The following TSPAN18 variants were observed in gnomAD, a reference collection of about 807,000 sequenced individuals.
TSPAN18 encodes the protein tetraspanin-18.
A neutral mutation model predicts 27.3 loss-of-function variants in TSPAN18; 14 were observed. The observed-to-expected ratio is 0.51, with a 90% CI of 0.34 to 0.80. The LOEUF (loss-of-function observed/expected upper bound fraction) is 0.80. Among genes scored for constraint, TSPAN18 ranks in the 30% least tolerant of loss-of-function variants. The probability of loss-of-function intolerance (pLI) is 0.01; values close to 1 mark genes in which losing one functional copy is unlikely to be tolerated. For synonymous variants in TSPAN18, 143 were observed against 136.5 expected (o/e 1.05, Z -0.33); for missense variants, 268 against 323.9 (o/e 0.83, Z 1.32).
intron 2 of TSPAN18, among the ~76,000 whole-genome samples, chr11:44,793,225 G>A (rs1590478639): frequency 6.6e-6 from 1 of 152,214 alleles, no homozygotes; most frequent in Non-Finnish European, 1.5e-5. Flanking sequence ...ATTGTGGCAA[G>A]GGAGCTGTGC....
intron 3 of TSPAN18, among the ~76,000 whole-genome samples, chr11:44,872,340 T>C (rs371624250): frequency 6.6e-6 from 1 of 152,148 alleles, no homozygotes; most frequent in East Asian, 1.9e-4. Flanking sequence ...TGAAGTCACG[T>C]TGGGGGTTAG....
intron 4 of TSPAN18, among the ~76,000 whole-genome samples, chr11:44,906,895 C>G (rs975320621): frequency 6.6e-6 from 1 of 152,140 alleles, no homozygotes; most frequent in Non-Finnish European, 1.5e-5. Context: ...ATGTAGCCAC[C>G]GGATATAATC....
intron 2 of TSPAN18, among the ~76,000 whole-genome samples, chr11:44,779,893 A>G (rs1216111902): frequency 6.6e-6 from 1 of 151,592 alleles, no homozygotes; most frequent in Non-Finnish European, 1.5e-5. Context: ...ATACTTATGC[A>G]CTCATCTGCC....
At chr11:44,915,108 G>A (rs917704581) in intron 5 of TSPAN18, among the ~76,000 whole-genome samples, 7 of 152,178 alleles carry the variant, frequency 4.6e-5, no homozygotes, top group South Asian at 2.1e-4. Flanking sequence ...TGGTGGGCAC[G>A]CCAGCTCCAG....
chr11:44,881,674 A>C (rs537431249), intron 3 of TSPAN18, among the ~76,000 whole-genome samples: 1 of 152,296 alleles, frequency 6.6e-6, no homozygotes, highest in South Asian at 2.1e-4. Flanking sequence ...GACACGCTCC[A>C]CCTGCTTTAT....
chr11:44,749,927 C>T (rs1188695177), intron 1 of TSPAN18, among the ~76,000 whole-genome samples: 2 of 152,198 alleles, frequency 1.3e-5, no homozygotes, highest in South Asian at 4.1e-4. Context: ...TGAGCCACTG[C>T]ACCCGGCTCC....
intron 2 of TSPAN18, among the ~76,000 whole-genome samples, chr11:44,848,765 G>A (rs1050991312): frequency 6.6e-5 from 10 of 152,308 alleles, no homozygotes; most frequent in Non-Finnish European, 1.5e-4. Flanking sequence ...TTCTCTTGAC[G>A]CCACATGGCC....
intron 1 of TSPAN18, among the ~76,000 whole-genome samples, chr11:44,730,835 A>AGGCTG (rs61256027): frequency 0.64 from 97,417 of 151,680 alleles, 35,524 homozygotes; most frequent in Non-Finnish European, 0.84. Flanking sequence ...CATGTTGGTC[A>AGGCTG]GGCTGGTCGC....
chr11:44,738,333 C>T (rs573109376), intron 1 of TSPAN18, among the ~76,000 whole-genome samples: 9 of 152,178 alleles, frequency 5.9e-5, no homozygotes, highest in Admixed American at 3.3e-4. Context: ...GAGTTTTTTA[C>T]AGTGGGAACG....
chr11:44,855,350 C>G (rs1387361936), intron 2 of TSPAN18, among the ~76,000 whole-genome samples: 1 of 152,170 alleles, frequency 6.6e-6, no homozygotes, highest in East Asian at 1.9e-4. Context: ...ACAGCCAACT[C>G]TAGCCTGTTA....
chr11:44,929,353 G>C lies in TSPAN18; in HGVS notation c.*175G>C. On this transcript the variant is annotated 3_prime_UTR_variant, in exon 10 of 10. Transcript: ENST00000520358. The stretch of plus-strand genomic sequence containing the variant: ...TATTTTTTTAACAAAACAAAATGAA[G>C]ACAAAAATATGGACTGATGTATCCT... 1.3e-6 allele frequency: 1 copy of C among 776,488 alleles called. No individual in the cohort carries two copies. Among genetic ancestry groups the C allele is most frequent in the East Asian group, 2.7e-5 (1 of 37,180 alleles). 48.1% of individuals were successfully genotyped at this position (776,488 alleles called of 1,614,324 possible). A position where few individuals can be genotyped will look rare whatever the true frequency, so the allele number is the denominator to read the frequency against.
intron 1 of TSPAN18, among the ~76,000 whole-genome samples, chr11:44,734,743 T>G (rs1283386743): frequency 1.3e-5 from 2 of 152,284 alleles, no homozygotes; most frequent in Non-Finnish European, 1.5e-5. Context: ...ACTCCCACAG[T>G]GGGTTCAGGG....
chr11:44,923,971 G>A (rs770502653), intron 8 of TSPAN18, among the ~76,000 whole-genome samples: 2 of 152,184 alleles, frequency 1.3e-5, no homozygotes, highest in Non-Finnish European at 2.9e-5. Flanking sequence ...GTGCCACACA[G>A]CAGGGCTCAG....
intron 1 of TSPAN18, among the ~76,000 whole-genome samples, chr11:44,732,922 A>G (rs1854698651): frequency 6.6e-6 from 1 of 152,192 alleles, no homozygotes; most frequent in Non-Finnish European, 1.5e-5. Context: ...TCTGTTCCAC[A>G]CGGTCACTCA....
At chr11:44,728,082 C>T (rs1198605670) in intron 1 of TSPAN18, among the ~76,000 whole-genome samples, 1 of 152,224 alleles carries the variant, frequency 6.6e-6, no homozygotes, top group Non-Finnish European at 1.5e-5. Context: ...ACCGCGCCGA[C>T]ATCCAGGACG....
At chr11:44,918,081 C>T (rs1197214449) in intron 6 of TSPAN18, 35 bp downstream of exon 6, 22 of 1,606,724 alleles carry the variant, frequency 1.4e-5, no homozygotes, top group Non-Finnish European at 1.9e-5. Context: ...CTGCCTCCTG[C>T]TATCAGCAAG....
At chr11:44,867,015 C>T (rs2135228937) in intron 3 of TSPAN18, among the ~76,000 whole-genome samples, 1 of 152,350 alleles carries the variant, frequency 6.6e-6, no homozygotes, top group Non-Finnish European at 1.5e-5. Context: ...GAACACCAAC[C>T]TTAAATCAGA....
At chr11:44,883,614 A>T (rs1208418177) in intron 3 of TSPAN18, among the ~76,000 whole-genome samples, 1 of 152,214 alleles carries the variant, frequency 6.6e-6, no homozygotes, top group Non-Finnish European at 1.5e-5. Flanking sequence ...GTGTTCCCAG[A>T]GAAGCCCAAG....
At chr11:44,893,077 G>A (rs1858908163) in intron 3 of TSPAN18, among the ~76,000 whole-genome samples, 1 of 152,218 alleles carries the variant, frequency 6.6e-6, no homozygotes, top group Admixed American at 6.5e-5. Context: ...GTGAAATGAG[G>A]AGTTGGAGAC....
Sources: gnomAD v4.1 joint callset for allele counts (sites outside exome capture counted in the v4.1 genomes callset) on GRCh38, gnomAD v4.1.1 for gene constraint, MANE v1.5 for transcripts, NCBI Gene and HGNC (gene_info 2026-07-23, HGNC 2026-07-21) for gene names.